The following SRBD1 variants were observed in gnomAD, a reference collection of about 807,000 sequenced individuals.
SRBD1 encodes S1 RNA-binding domain-containing protein 1.
Under a neutral mutation model 115.3 loss-of-function variants are expected in SRBD1, and 88 were observed. That is an observed-to-expected ratio of 0.76 (90% CI 0.64 to 0.91). The LOEUF is 0.91. Ranked by LOEUF, SRBD1 falls within the 40% of genes least tolerant of loss-of-function variation. The probability of loss-of-function intolerance (pLI) is 0.00; values close to 1 mark genes in which losing one functional copy is unlikely to be tolerated. For synonymous variants in SRBD1, 509 were observed against 407.7 expected, an observed-to-expected ratio of 1.25 and a Z score of -2.99; for missense variants, 1,385 against 1,177.4, an observed-to-expected ratio of 1.18 and a Z score of -2.58.
At chr2:45,432,646 A>C (rs545139425) in intron 16 of SRBD1, among the ~76,000 whole-genome samples, 1 of 152,344 alleles carries the variant, frequency 6.6e-6, no homozygotes, top group East Asian at 1.9e-4. Flanking sequence ...TAACAGTGCC[A>C]ATAATCCCTA....
intron 18 of SRBD1, among the ~76,000 whole-genome samples, chr2:45,414,535 G>A (rs533336921): frequency 6.9e-6 from 1 of 144,902 alleles, no homozygotes; most frequent in Admixed American, 7.0e-5. Context: ...TATAGTGTGT[G>A]TACACACATA....
intron 4 of SRBD1, among the ~76,000 whole-genome samples, chr2:45,588,808 A>C (rs2104211028): frequency 6.6e-6 from 1 of 152,332 alleles, no homozygotes; most frequent in East Asian, 1.9e-4. Context: ...TGTTATGAGG[A>C]TGGTGGTGCT....
intron 16 of SRBD1, chr2:45,448,041 C>T (rs111776231): frequency 7.6e-4 from 115 of 152,146 alleles, no homozygotes; most frequent in African/African-American, 2.3e-3. Flanking sequence ...TTATGACATA[C>T]AGAAACAGGA....
chr2:45,610,920 T>A (rs1674427872), intron 1 of SRBD1, among the ~76,000 whole-genome samples: 1 of 123,578 alleles, frequency 8.1e-6, no homozygotes, highest in Admixed American at 8.4e-5. Context: ...AGAGGGAGAC[T>A]CCGTCTCAAA....
At chr2:45,596,923 A>C (rs1673913345) in intron 4 of SRBD1, among the ~76,000 whole-genome samples, 1 of 102,172 alleles carries the variant, frequency 9.8e-6, no homozygotes, top group Admixed American at 1.1e-4. Flanking sequence ...ACCCCCCCAC[A>C]ACCCTAACAC....
intron 4 of SRBD1, among the ~76,000 whole-genome samples, chr2:45,588,757 C>A (rs551573286): frequency 2.0e-5 from 3 of 152,160 alleles, no homozygotes; most frequent in Non-Finnish European, 4.4e-5. Flanking sequence ...TGAAGAAATA[C>A]AGTTTGTAGA....
rs182288682 is a variant in SRBD1 at position 45,468,375 on chromosome 2, T to C, written c.2049+8618A>G. ...TTCCAAATTTTCACTACTATAAATA[T>C]TGCTTCAATGAACTTTTTTTTTTTT... On this transcript the variant is annotated intron_variant, in intron 16 of 20. Coordinates refer to ENST00000263736, the MANE Select transcript of SRBD1 (RefSeq NM_018079.5). Among the ~76,000 whole-genome samples the C allele has an allele frequency of 1.8e-4, 27 of 151,916 alleles. No individual in the cohort carries two copies. In the East Asian group the frequency reaches 3.7e-3, roughly 21 times the overall value.
At chr2:45,552,605 T>G (rs1055107338) in intron 11 of SRBD1, among the ~76,000 whole-genome samples, 1 of 152,188 alleles carries the variant, frequency 6.6e-6, no homozygotes, top group South Asian at 2.1e-4. Flanking sequence ...TAACATAATT[T>G]TTTCCTTCAG....
rs566794382 is a variant in SRBD1 at position 45,398,738 on chromosome 2, A to T, written c.2514-5609T>A. On this transcript the variant is annotated intron_variant, in intron 19 of 20. Transcript: ENST00000263736. Reference sequence around the variant, plus strand: ...ATCATCTTTTCAGAAATAGTTGAACAGTGCTCATATAGTTACCTCAAAGTA... The same window carrying T: ...ATCATCTTTTCAGAAATAGTTGAACTGTGCTCATATAGTTACCTCAAAGTA... Among the ~76,000 whole-genome samples, 14 of 117,836 alleles carry T rather than the reference A, an allele frequency of 1.2e-4. No individual in the cohort carries two copies. The East Asian group carries it at 4.1e-3, about 35-fold the overall frequency. 77.3% of individuals were successfully genotyped at this position (117,836 alleles called of 152,430 possible).
At chr2:45,510,148 A>G (rs1377547882) in intron 14 of SRBD1, among the ~76,000 whole-genome samples, 1 of 152,314 alleles carries the variant, frequency 6.6e-6, no homozygotes, top group East Asian at 1.9e-4. Context: ...ATTAGCACGC[A>G]TGTTTATGTG....
chr2:45,584,826 C>A (rs972580291), intron 5 of SRBD1, among the ~76,000 whole-genome samples: 3 of 151,942 alleles, frequency 2.0e-5, no homozygotes, highest in Non-Finnish European at 4.4e-5. Context: ...ACTTACAATC[C>A]ACTATTGTTA....
chr2:45,564,363 G>T (rs1356573438), intron 9 of SRBD1, among the ~76,000 whole-genome samples: 1 of 152,160 alleles, frequency 6.6e-6, no homozygotes, highest in African/African-American at 2.4e-5. Context: ...CAAAGACCAG[G>T]AACAAGACAA....
rs910248702 is a variant in SRBD1, at chr2:45,584,882, G to A, written c.815+726C>T. Among the ~76,000 whole-genome samples, 3 of 152,314 alleles carry A rather than the reference G, an allele frequency of 2.0e-5. No homozygotes were observed. In the South Asian group the frequency reaches 6.2e-4, roughly 32 times the overall value. ...GTATGGGAAAAAGGCTGGGCATGGT[G>A]GCTCAAGCCTATCATCTCAGCACTT... On this transcript the variant is annotated intron_variant, in intron 5 of 20. Transcript: ENST00000263736.
At chr2:45,565,321 TTATACA>T (rs1672792513) in intron 9 of SRBD1, among the ~76,000 whole-genome samples, 1 of 152,142 alleles carries the variant, frequency 6.6e-6, no homozygotes, top group Non-Finnish European at 1.5e-5. Context: ...AGAAATAAAC[TTATACA>T]TATAGTGTCA....
In SRBD1 at chr2:45,511,751, C is replaced by G. The variant is rs892325100; in HGVS notation, c.1875-23420G>C. 1.2e-4 allele frequency among the ~76,000 whole-genome samples: 18 copies of G among 152,304 alleles called. 1 individual carries two copies. Among genetic ancestry groups the G allele is most frequent in the East Asian group, 5.8e-4 (3 of 5,192 alleles). On this transcript the variant is annotated intron_variant, in intron 14 of 20. Coordinates refer to ENST00000263736, the MANE Select transcript of SRBD1 (RefSeq NM_018079.5). ...CTTAGACTTGAATTATCAAATACTT[C>G]CCAGTGCTGACGCTTTTTAAAGTCT...
chr2:45,570,455 T>G (rs1672970911), intron 9 of SRBD1, among the ~76,000 whole-genome samples: 1 of 152,296 alleles, frequency 6.6e-6, no homozygotes, highest in Middle Eastern at 3.4e-3. Context: ...AGCTCTGGAA[T>G]AGAATGAGGA....
At chr2:45,587,002 A>AAATTATTTTAAATAT (rs1264060298) in intron 4 of SRBD1, among the ~76,000 whole-genome samples, 1 of 127,074 alleles carries the variant, frequency 7.9e-6, no homozygotes, top group African/African-American at 3.0e-5. Context: ...TAAATATTTA[A>AAATTATTTTAAATAT]TTATTTTAAA....
intron 16 of SRBD1, among the ~76,000 whole-genome samples, chr2:45,433,258 C>CA (rs1668392683): frequency 6.6e-6 from 1 of 152,020 alleles, no homozygotes; most frequent in Admixed American, 6.6e-5. Flanking sequence ...CTTAAAAATA[C>CA]AAAGAGAGTG....
rs778784445 is a variant in SRBD1 at position 45,599,561 on chromosome 2, G to A, written c.536C>T (p.Ser179Phe). The A allele has an allele frequency of 1.2e-6, 2 of 1,614,166 alleles. No individual in the cohort carries two copies. Among genetic ancestry groups the A allele is most frequent in the Admixed American group, 3.3e-5 (2 of 60,024 alleles). ...CTCAGTCTTGATTTTCTTTAAAGCG[G>A]ACTGACCAAATGTAAAGTCATCGTC... ...ENDDDFTFGQ[S>F]ALKKIKTETY... The change falls in exon 4 of 21, where the codon TCC becomes TTC. Residue 179 changes from serine to phenylalanine, a missense_variant. Transcript: ENST00000263736.
Sources: gnomAD v4.1 joint callset for allele counts (sites outside exome capture counted in the v4.1 genomes callset) on GRCh38, gnomAD v4.1.1 for gene constraint, MANE v1.5 for transcripts, NCBI Gene and HGNC (gene_info 2026-07-23, HGNC 2026-07-21) for gene names.